NELL2: variants seen among roughly 807,000 people sequenced by gnomAD.
NELL2 encodes the protein protein kinase C-binding protein NELL2.
In NELL2, 41 loss-of-function variants were observed where a neutral mutation model predicts 109.6. That is an observed-to-expected ratio of 0.37 (90% CI 0.29 to 0.49). The LOEUF is 0.49. Ranked by LOEUF, NELL2 falls within the 20% of genes least tolerant of loss-of-function variation. The pLI is 0.98. For missense variants in NELL2, 900 were observed against 1,008.3 expected (o/e 0.89, Z 1.45); for synonymous variants, 355 against 344.7 (o/e 1.03, Z -0.33).
chr12:44,578,329 CA>C (rs1257041773), intron 15 of NELL2, among the ~76,000 whole-genome samples: 1 of 150,864 alleles, frequency 6.6e-6, no homozygotes. Flanking sequence ...TATATAGAAA[CA>C]AAAAACCCCT....
chr12:44,868,241 G>T (rs566183592), intron 2 of NELL2, among the ~76,000 whole-genome samples: 20 of 151,338 alleles, frequency 1.3e-4, no homozygotes, highest in African/African-American at 4.1e-4. Flanking sequence ...GAAGGTGAAA[G>T]AGCTGTATAC....
At chr12:44,792,023 T>C (rs1040495738) in intron 3 of NELL2, among the ~76,000 whole-genome samples, 1 of 151,218 alleles carries the variant, frequency 6.6e-6, no homozygotes, top group African/African-American at 2.4e-5. Context: ...CCAGGGAGAC[T>C]AGAGAAGAAA....
intron 13 of NELL2, among the ~76,000 whole-genome samples, chr12:44,626,316 T>C (rs1182698374): frequency 6.6e-6 from 1 of 152,194 alleles, no homozygotes; most frequent in Admixed American, 6.5e-5. Flanking sequence ...GGCCTCTCTG[T>C]GTTCCTTGAA....
chr12:44,876,117 C>A lies in NELL2; in HGVS notation c.-248G>T. The stretch of plus-strand genomic sequence containing the variant: ...CGCAGGGCCGAGGCGGCAGCGCGGC[C>A]CGGAGGGGGCCCGGAGGGAGGGGTC... On this transcript the variant is annotated 5_prime_UTR_variant, in exon 1 of 20. Transcript: ENST00000429094. 1 of 1,317,060 alleles carries A rather than the reference C, an allele frequency of 7.6e-7. No homozygotes were observed. The highest frequency in any genetic ancestry group is 9.7e-7 in the Non-Finnish European group (1 of 1,033,316). 81.6% of individuals were successfully genotyped at this position (1,317,060 alleles called of 1,614,324 possible). A position where few individuals can be genotyped will look rare whatever the true frequency, so the allele number is the denominator to read the frequency against.
chr12:44,615,138 T>C (rs1945774168), intron 13 of NELL2, among the ~76,000 whole-genome samples: 1 of 152,040 alleles, frequency 6.6e-6, no homozygotes, highest in Non-Finnish European at 1.5e-5. Context: ...GTAACACTGC[T>C]TACAGGGGGT....
intron 1 of NELL2, among the ~76,000 whole-genome samples, chr12:44,886,876 T>C (rs1945479584): frequency 6.6e-6 from 1 of 151,468 alleles, no homozygotes. Flanking sequence ...TGAGATCTAT[T>C]TTTTTTTAGC....
intron 15 of NELL2, among the ~76,000 whole-genome samples, chr12:44,560,444 G>A (rs1199841447): frequency 6.6e-6 from 1 of 151,982 alleles, no homozygotes; most frequent in Non-Finnish European, 1.5e-5. Context: ...GACTAATAAA[G>A]AAGAAAAGAG....
intron 12 of NELL2, among the ~76,000 whole-genome samples, chr12:44,674,075 C>T (rs1948228785): frequency 6.6e-6 from 1 of 152,008 alleles, no homozygotes; most frequent in Admixed American, 6.6e-5. Context: ...GTGATGCATA[C>T]TATATAACAG....
At chr12:44,517,553 T>C (rs1185554650) in intron 19 of NELL2, among the ~76,000 whole-genome samples, 1 of 152,174 alleles carries the variant, frequency 6.6e-6, no homozygotes, top group Non-Finnish European at 1.5e-5. Flanking sequence ...TATTTCTTTA[T>C]AGCAATGCAA....
chr12:44,669,626 A>C (rs1013698363), intron 12 of NELL2, among the ~76,000 whole-genome samples: 1 of 151,994 alleles, frequency 6.6e-6, no homozygotes, highest in Non-Finnish European at 1.5e-5. Context: ...TCAACAATAG[A>C]CTAGATCAAG....
chr12:44,638,070 C>A (rs1300241568), intron 13 of NELL2, among the ~76,000 whole-genome samples: 2 of 152,058 alleles, frequency 1.3e-5, no homozygotes, highest in African/African-American at 4.8e-5. Flanking sequence ...CACTCTCACT[C>A]CCGAGAATTT....
chr12:44,541,268 A>G (rs1016382060), intron 15 of NELL2, among the ~76,000 whole-genome samples: 3 of 144,016 alleles, frequency 2.1e-5, no homozygotes, highest in Admixed American at 6.9e-5. Flanking sequence ...AAAAAAAAAG[A>G]AAAAAAAAAG....
At chr12:44,729,706 AT>A (rs34492664) in intron 9 of NELL2, among the ~76,000 whole-genome samples, 28,535 of 147,192 alleles carry the variant, frequency 0.19, 2,848 homozygotes, top group African/African-American at 0.26. Flanking sequence ...AGCTTCCAGG[AT>A]TTTTTTTTTT....
intron 2 of NELL2, among the ~76,000 whole-genome samples, chr12:44,861,810 G>T (rs901522727): frequency 6.6e-6 from 1 of 152,186 alleles, no homozygotes; most frequent in Non-Finnish European, 1.5e-5. Flanking sequence ...CCAGCAATAA[G>T]TCTTCCCACC....
At chr12:44,829,346 A>G (rs1049686840) in intron 2 of NELL2, among the ~76,000 whole-genome samples, 1 of 152,164 alleles carries the variant, frequency 6.6e-6, no homozygotes, top group South Asian at 2.1e-4. Flanking sequence ...CTTTTAACAC[A>G]TGTAGCAAAT....
chr12:44,614,919 T>A (rs947479984), intron 13 of NELL2, among the ~76,000 whole-genome samples: 7 of 152,066 alleles, frequency 4.6e-5, no homozygotes, highest in African/African-American at 1.7e-4. Flanking sequence ...AAAATAGGAG[T>A]GAAAAGTCAC....
At chr12:44,789,416 A>G (rs61669282) in intron 3 of NELL2, among the ~76,000 whole-genome samples, 2,194 of 152,266 alleles carry the variant, frequency 0.014, 50 homozygotes, top group African/African-American at 0.05. Context: ...CATCTATAGG[A>G]AAAGGGGTAG....
chr12:44,650,291 AC>A (rs1042539417), intron 13 of NELL2, among the ~76,000 whole-genome samples: 3 of 121,956 alleles, frequency 2.5e-5, no homozygotes, highest in African/African-American at 6.8e-5. Context: ...ACCTGCCTCC[AC>A]CCCCCAATTT....
At chr12:44,725,609 C>T (rs1194119291) in intron 9 of NELL2, among the ~76,000 whole-genome samples, 2 of 152,114 alleles carry the variant, frequency 1.3e-5, no homozygotes, top group Admixed American at 1.3e-4. Flanking sequence ...AACATAAATG[C>T]CCATTAATGA....
Sources: gnomAD v4.1 joint callset for allele counts (sites outside exome capture counted in the v4.1 genomes callset) on GRCh38, gnomAD v4.1.1 for gene constraint, MANE v1.5 for transcripts, NCBI Gene and HGNC (gene_info 2026-07-23, HGNC 2026-07-21) for gene names.